Variants in CNTN1 observed in about 807,000 individuals in gnomAD.
CNTN1 encodes the protein contactin-1.
Under a neutral mutation model 126.4 loss-of-function variants are expected in CNTN1, and 38 were observed. That is an observed-to-expected ratio of 0.30 (90% CI 0.23 to 0.39). The LOEUF is 0.39. CNTN1 is among the 10% of genes least tolerant of loss of function. CNTN1 has a pLI of 1.00. For synonymous variants in CNTN1, 413 were observed against 422.6 expected (o/e 0.98, Z 0.28); for missense variants, 1,009 against 1,248.4 (o/e 0.81, Z 2.89).
intron 1 of CNTN1, among the ~76,000 whole-genome samples, chr12:40,755,757 A>G (rs1938586380): frequency 6.6e-6 from 1 of 151,980 alleles, no homozygotes; most frequent in Admixed American, 6.6e-5. Context: ...AGAGTAGGTG[A>G]GAGGGATAAG....
At chr12:40,725,015 C>A (rs751431350) in intron 1 of CNTN1, among the ~76,000 whole-genome samples, 8 of 152,080 alleles carry the variant, frequency 5.3e-5, no homozygotes, top group Non-Finnish European at 1.2e-4. Flanking sequence ...GACATGTGAC[C>A]AAGAAAGACT....
intron 1 of CNTN1, among the ~76,000 whole-genome samples, chr12:40,843,050 G>A (rs1942349107): frequency 2.0e-5 from 3 of 152,122 alleles, no homozygotes; most frequent in African/African-American, 7.2e-5. Context: ...CTTAACTAGA[G>A]ACATCCAGAA....
At chr12:40,834,681 C>T (rs1445445905) in intron 1 of CNTN1, among the ~76,000 whole-genome samples, 1 of 152,042 alleles carries the variant, frequency 6.6e-6, no homozygotes, top group Admixed American at 6.6e-5. Flanking sequence ...CATCCAAGCT[C>T]CAGAACAAAT....
chr12:40,934,817 C>T (rs1405305867), intron 9 of CNTN1, among the ~76,000 whole-genome samples: 1 of 152,014 alleles, frequency 6.6e-6, no homozygotes, highest in Non-Finnish European at 1.5e-5. Flanking sequence ...CTTTTCATGA[C>T]CACAGACTTC....
At chr12:40,856,353 T>C (rs910901619) in intron 1 of CNTN1, among the ~76,000 whole-genome samples, 1 of 152,100 alleles carries the variant, frequency 6.6e-6, no homozygotes, top group Non-Finnish European at 1.5e-5. Flanking sequence ...TGTATTGTGT[T>C]AGATTGGTAG....
rs116412959 is a variant in CNTN1, at chr12:41,023,381, G to C, written c.2524-1769G>C. Among the ~76,000 whole-genome samples, 1,311 of 152,284 alleles carry C rather than the reference G, an allele frequency of 8.6e-3. 17 individuals are homozygous for C. The highest frequency in any genetic ancestry group is 0.026 in the African/African-American group (1,093 of 41,568). On this transcript the variant is annotated intron_variant, in intron 20 of 23. Transcript: ENST00000551295. ...CTCAGTAGAATGTTTATGTCACTTA[G>C]TATTTTTTTATCTTACTTGGTTAAA...
intron 1 of CNTN1, among the ~76,000 whole-genome samples, chr12:40,899,665 C>CTT (rs1371834061): frequency 1.3e-5 from 2 of 152,148 alleles, no homozygotes; most frequent in African/African-American, 4.8e-5. Context: ...CCAACCTTCA[C>CTT]TTAACATACT....
Position 40,767,028 on chromosome 12 carries a change from G to T in CNTN1, c.-77+74436G>T, listed in dbSNP as rs181122340. On this transcript the variant is annotated intron_variant, in intron 1 of 23. Coordinates refer to ENST00000551295, the MANE Select transcript of CNTN1 (RefSeq NM_001843.4). ...AAATCTGGACTTCAGAAGAGAGATT[G>T]GGAATGGAGATAGATTTGAGAATCA... Among the ~76,000 whole-genome samples the T allele has an allele frequency of 5.3e-5, 8 of 152,208 alleles. No homozygotes were observed. The East Asian group carries it at 1.4e-3, about 26-fold the overall frequency.
At chr12:41,027,600 A>G (rs1429515394) in intron 21 of CNTN1, among the ~76,000 whole-genome samples, 2 of 152,202 alleles carry the variant, frequency 1.3e-5, no homozygotes, top group African/African-American at 4.8e-5. Context: ...TCAAAAGACT[A>G]GTGGAGAAAG....
At chr12:40,767,653 A>T (rs936088493) in intron 1 of CNTN1, among the ~76,000 whole-genome samples, 4 of 141,706 alleles carry the variant, frequency 2.8e-5, no homozygotes, top group African/African-American at 1.1e-4. Context: ...TGTTTGTTTG[A>T]GACGGCGTCT....
chr12:40,813,456 G>A (rs149748513), intron 1 of CNTN1, among the ~76,000 whole-genome samples: 3,452 of 152,040 alleles, frequency 0.023, 125 homozygotes, highest in African/African-American at 0.077. Context: ...TTAGTTTTCT[G>A]TTCCTGGGTT....
intron 1 of CNTN1, among the ~76,000 whole-genome samples, chr12:40,723,415 C>T (rs1942270496): frequency 6.6e-6 from 1 of 152,208 alleles, no homozygotes; most frequent in African/African-American, 2.4e-5. Context: ...AGATGACTCT[C>T]ATGAGACTTC....
chr12:40,797,776 G>A (rs201049290), intron 1 of CNTN1, among the ~76,000 whole-genome samples: 1 of 151,870 alleles, frequency 6.6e-6, no homozygotes, highest in African/African-American at 2.4e-5. Context: ...CAATGGATTC[G>A]GTATATAGTT....
At chr12:40,976,339 A>G (rs954143391) in intron 15 of CNTN1, among the ~76,000 whole-genome samples, 1 of 152,148 alleles carries the variant, frequency 6.6e-6, no homozygotes. Context: ...TTTTCAACTG[A>G]CCAATTTCTC....
chr12:40,707,295 C>A (rs1467104877), intron 1 of CNTN1, among the ~76,000 whole-genome samples: 8 of 134,514 alleles, frequency 5.9e-5, no homozygotes, highest in African/African-American at 2.3e-4. Flanking sequence ...ATCGCCCAGG[C>A]TGGAGTGCAG....
intron 17 of CNTN1, among the ~76,000 whole-genome samples, chr12:41,008,894 A>G (rs900652291): frequency 6.6e-6 from 1 of 152,244 alleles, no homozygotes; most frequent in Admixed American, 6.5e-5. Context: ...AAAAAAGCAT[A>G]CTTGGAGTCA....
intron 1 of CNTN1, among the ~76,000 whole-genome samples, chr12:40,871,043 T>G (rs931549346): frequency 3.5e-5 from 4 of 114,106 alleles, no homozygotes; most frequent in Non-Finnish European, 7.4e-5. Flanking sequence ...CAGATAAACA[T>G]AAACCACTGT....
intron 23 of CNTN1, among the ~76,000 whole-genome samples, chr12:41,036,537 C>A (rs1566189508): frequency 6.6e-6 from 1 of 151,964 alleles, no homozygotes; most frequent in Non-Finnish European, 1.5e-5. Flanking sequence ...TTTTTAGTAG[C>A]ACCATTAAAA....
intron 23 of CNTN1, among the ~76,000 whole-genome samples, chr12:41,053,525 T>G (rs1160620476): frequency 6.9e-6 from 1 of 144,768 alleles, no homozygotes; most frequent in African/African-American, 2.6e-5. Flanking sequence ...GAAACTCTTG[T>G]TATTTTGTAA....
Sources: gnomAD v4.1 joint callset for allele counts (sites outside exome capture counted in the v4.1 genomes callset) on GRCh38, gnomAD v4.1.1 for gene constraint, MANE v1.5 for transcripts, NCBI Gene and HGNC (gene_info 2026-07-23, HGNC 2026-07-21) for gene names.